The following PIWIL1 variants were observed in gnomAD, a reference collection of about 807,000 sequenced individuals.
The protein encoded by PIWIL1 is piwi like RNA-mediated gene silencing 1.
PIWIL1 carries 73 observed loss-of-function variants against 114.4 expected under a neutral mutation model. That is an observed-to-expected ratio of 0.64 (90% CI 0.53 to 0.78). The LOEUF (loss-of-function observed/expected upper bound fraction) is 0.78, where lower values mean the gene tolerates loss of function less well. PIWIL1 is among the 30% of genes least tolerant of loss of function. PIWIL1 has a pLI of 0.00. For synonymous variants in PIWIL1, 375 were observed against 369.0 expected (o/e 1.02, Z -0.19); for missense variants, 723 against 1,063.1 (o/e 0.68, Z 4.45).
At chr12:130,384,487 G>A in the PIWIL1 span, among the ~76,000 whole-genome samples, 1 of 152,264 alleles carries the variant, frequency 6.6e-6, no homozygotes, top group Non-Finnish European at 1.5e-5. Flanking sequence ...GGTGAATGCT[G>A]CTTCAAATGG....
chr12:130,351,179 G>A (rs1593097002), intron 9 of PIWIL1: 1 of 152,280 alleles, frequency 6.6e-6, no homozygotes, highest in East Asian at 1.9e-4. Context: ...TATATCAACA[G>A]CAAATATAAA....
At chr12:130,372,877 C>G (rs1302157863), downstream of PIWIL1, among the ~76,000 whole-genome samples, 1 of 151,906 alleles carries the variant, frequency 6.6e-6, no homozygotes, top group African/African-American at 2.4e-5. Context: ...ATTGTAAATC[C>G]CGGGAACACC....
At chr12:130,407,318 C>G in the PIWIL1 span, among the ~76,000 whole-genome samples, 2 of 152,216 alleles carry the variant, frequency 1.3e-5, no homozygotes. Context: ...GCGACACAAC[C>G]TCACCTATCA....
At chr12:130,340,771 C>A (rs1474273597) in intron 1 of PIWIL1, among the ~76,000 whole-genome samples, 1 of 151,932 alleles carries the variant, frequency 6.6e-6, no homozygotes, top group Non-Finnish European at 1.5e-5. Context: ...AGCATGCATA[C>A]GTAATCATTG....
At chr12:130,355,495 CTG>C (rs1212990549) in intron 11 of PIWIL1, 56 bp from the exon 12 acceptor site, 44 of 1,255,858 alleles carry the variant, frequency 3.5e-5, no homozygotes, top group Middle Eastern at 1.8e-4. Flanking sequence ...ATCTGTTTGA[CTG>C]TGTCTTCTTG....
At chr12:130,413,637 A>C in the PIWIL1 span, among the ~76,000 whole-genome samples, 1 of 143,254 alleles carries the variant, frequency 7.0e-6, no homozygotes, top group East Asian at 2.0e-4. Flanking sequence ...TGTCTCAAAA[A>C]AAAAAAAAAA....
chr12:130,379,245 C>A, the PIWIL1 span, among the ~76,000 whole-genome samples: 1 of 152,102 alleles, frequency 6.6e-6, no homozygotes, highest in Non-Finnish European at 1.5e-5. Flanking sequence ...TGCCTTTTTT[C>A]TTCATTCTTT....
chr12:130,388,748 A>G, the PIWIL1 span, among the ~76,000 whole-genome samples: 5 of 152,172 alleles, frequency 3.3e-5, no homozygotes, highest in African/African-American at 1.2e-4. Flanking sequence ...AATTTTTACA[A>G]GTATATGTAA....
chr12:130,378,786 C>G, the PIWIL1 span, among the ~76,000 whole-genome samples: 9 of 152,310 alleles, frequency 5.9e-5, no homozygotes, highest in African/African-American at 2.2e-4. Flanking sequence ...CTGTTCAAAT[C>G]TCTTGCACAT....
intron 9 of PIWIL1, among the ~76,000 whole-genome samples, chr12:130,352,053 T>G (rs1341210843): frequency 3.3e-5 from 5 of 152,160 alleles, no homozygotes; most frequent in Non-Finnish European, 7.3e-5. Flanking sequence ...CTTGTATGCT[T>G]ATGCTTGAGA....
chr12:130,348,909 AAAAC>A (rs367970974), intron 7 of PIWIL1, among the ~76,000 whole-genome samples: 533 of 152,192 alleles, frequency 3.5e-3, no homozygotes, highest in Middle Eastern at 0.027. Flanking sequence ...AAATAAATAA[AAAAC>A]AAAATATTGC....
the PIWIL1 span, chr12:130,399,142 G>A: frequency 7.1e-7 from 1 of 1,398,628 alleles, no homozygotes; most frequent in Non-Finnish European, 9.3e-7. Flanking sequence ...TGATTAAGGT[G>A]TGAAATGAAC....
At chr12:130,378,348 C>T in the PIWIL1 span, among the ~76,000 whole-genome samples, 38 of 152,192 alleles carry the variant, frequency 2.5e-4, no homozygotes, top group Non-Finnish European at 5.9e-5. Context: ...GTGATGAGTT[C>T]ACCATTTGTT....
At position 130,371,676 on chromosome 12, in the gene PIWIL1, T is replaced by A; in HGVS notation, c.*78T>A. 4.5e-6 allele frequency: 4 copies of A among 891,198 alleles called. No individual in the cohort carries two copies. The highest frequency in any genetic ancestry group is 2.5e-5 in the East Asian group (1 of 40,340). The allele number at this position is 891,198 out of a possible 1,614,324, so 55.2% of individuals were successfully genotyped here. ...TTTAAGCTTTTATTTACTTTTTTTT[T>A]AACTGTTATCTTTCTGGATGAAACT... On this transcript the variant is annotated 3_prime_UTR_variant, in exon 21 of 21. Transcript: ENST00000245255.
chr12:130,400,675 A>ACAG, the PIWIL1 span, among the ~76,000 whole-genome samples: 1 of 152,270 alleles, frequency 6.6e-6, no homozygotes, highest in Non-Finnish European at 1.5e-5. Context: ...AGTGAAGGAC[A>ACAG]CAGCAGAGTG....
the PIWIL1 span, among the ~76,000 whole-genome samples, chr12:130,404,577 G>A: frequency 2.0e-5 from 3 of 152,176 alleles, no homozygotes; most frequent in Non-Finnish European, 2.9e-5. Context: ...CACCGTGCCC[G>A]GCCGTTGGAT....
intron 18 of PIWIL1, among the ~76,000 whole-genome samples, chr12:130,363,916 C>A (rs1298440268): frequency 6.6e-6 from 1 of 152,144 alleles, no homozygotes; most frequent in African/African-American, 2.4e-5. Flanking sequence ...CAACTCCCAG[C>A]CTCTACTTTG....
Position 130,346,935 on chromosome 12 carries a change from C to G in PIWIL1, c.532-6C>G. 1.2e-6 allele frequency: 2 copies of G among 1,610,756 alleles called. No homozygotes were observed. The highest frequency in any genetic ancestry group is 2.2e-5 in the East Asian group (1 of 44,840). On this transcript the variant is annotated splice_region_variant and splice_polypyrimidine_tract_variant and intron_variant, in intron 5 of 20. Transcript: ENST00000245255. ...AAGTTTGGGTTTTCCACCTCTCTGGCTTCAGGTTACTGAAGTTTTTAGTAA... is the reference window on the plus strand; with the variant it reads ...AAGTTTGGGTTTTCCACCTCTCTGGGTTCAGGTTACTGAAGTTTTTAGTAA...
At chr12:130,363,295 T>G (rs2073565110) in intron 18 of PIWIL1, 151 bp downstream of exon 18, 2 of 767,816 alleles carry the variant, frequency 2.6e-6, no homozygotes, top group Admixed American at 2.7e-5. Context: ...GAGGGAAGTT[T>G]CTATTGGAAA....
Sources: allele counts gnomAD v4.1 joint callset (sites outside exome capture counted in the v4.1 genomes callset), GRCh38; gene constraint gnomAD v4.1.1; transcripts MANE v1.5; gene names NCBI Gene and HGNC (gene_info 2026-07-23, HGNC 2026-07-21).